Variants in NALF1 observed in about 807,000 individuals in gnomAD.
NALF1 encodes the protein NALCN channel auxiliary factor 1, also known as family with sequence similarity 155 member A.
NALF1 carries 3 observed loss-of-function variants against 48.4 expected under a neutral mutation model. The ratio of observed to expected loss-of-function variants is 0.06; its 90% CI spans 0.03 to 0.16. NALF1 has a LOEUF of 0.16. Ranked by LOEUF, NALF1 falls within the 10% of genes least tolerant of loss-of-function variation. The pLI is 1.00. For synonymous variants in NALF1, 262 were observed against 245.7 expected, an observed-to-expected ratio of 1.07 and a Z score of -0.62; for missense variants, 526 against 571.5, an observed-to-expected ratio of 0.92 and a Z score of 0.81.
chr13:107,506,741 T>C (rs984710333), intron 1 of NALF1, among the ~76,000 whole-genome samples: 3 of 152,134 alleles, frequency 2.0e-5, no homozygotes, highest in Admixed American at 1.3e-4. Flanking sequence ...AATATTCATA[T>C]ACATATTTTT....
intron 2 of NALF1, among the ~76,000 whole-genome samples, chr13:107,188,427 GAA>G (rs976067851): frequency 6.7e-6 from 1 of 150,242 alleles, no homozygotes; most frequent in South Asian, 2.1e-4. Context: ...AAGAAACCTA[GAA>G]AAAAAAAGTT....
chr13:107,316,359 A>AGTGT (rs199862539), intron 1 of NALF1, among the ~76,000 whole-genome samples: 69,381 of 151,398 alleles, frequency 0.46, 16,178 homozygotes, highest in South Asian at 0.58. Flanking sequence ...AATAAACATA[A>AGTGT]GTGTGCATGT....
chr13:107,769,140 C>T (rs1355431349), intron 1 of NALF1, among the ~76,000 whole-genome samples: 2 of 148,260 alleles, frequency 1.3e-5, no homozygotes, highest in Non-Finnish European at 3.0e-5. Context: ...GGCAATTCCT[C>T]AGGGATCTAG....
intron 1 of NALF1, among the ~76,000 whole-genome samples, chr13:107,818,834 T>C (rs1466309421): frequency 6.1e-5 from 7 of 115,140 alleles, no homozygotes; most frequent in African/African-American, 2.7e-4. Flanking sequence ...ATCGCGCCAC[T>C]GCACTCCAGC....
chr13:107,438,570 G>A (rs1263803384), intron 1 of NALF1, among the ~76,000 whole-genome samples: 5 of 151,898 alleles, frequency 3.3e-5, no homozygotes, highest in Admixed American at 6.6e-5. Flanking sequence ...TTGGGAGGCC[G>A]AGGTGGGAGG....
At chr13:107,670,567 T>C (rs1228530878) in intron 1 of NALF1, among the ~76,000 whole-genome samples, 1 of 152,142 alleles carries the variant, frequency 6.6e-6, no homozygotes, top group African/African-American at 2.4e-5. Context: ...AGGCCAGACA[T>C]AGCCTGGTTG....
At chr13:107,482,736 G>A (rs1460276353) in intron 1 of NALF1, among the ~76,000 whole-genome samples, 1 of 152,148 alleles carries the variant, frequency 6.6e-6, no homozygotes, top group African/African-American at 2.4e-5. Flanking sequence ...AATGGATAGA[G>A]GTCATACACA....
chr13:107,612,561 T>TG (rs368437269), intron 1 of NALF1, among the ~76,000 whole-genome samples: 180 of 152,156 alleles, frequency 1.2e-3, no homozygotes, highest in African/African-American at 4.1e-3. Flanking sequence ...CTGCTGTGGG[T>TG]GGGCCTTGTG....
At chr13:107,236,341 G>T (rs969065078) in intron 1 of NALF1, among the ~76,000 whole-genome samples, 1 of 152,060 alleles carries the variant, frequency 6.6e-6, no homozygotes, top group Admixed American at 6.6e-5. Flanking sequence ...CCCCTATAGA[G>T]GAGTAACTTT....
At chr13:107,392,563 G>A (rs1883645051) in intron 1 of NALF1, among the ~76,000 whole-genome samples, 2 of 152,096 alleles carry the variant, frequency 1.3e-5, no homozygotes. Context: ...GAGACACCAA[G>A]GTCTCTCTCT....
intron 1 of NALF1, among the ~76,000 whole-genome samples, chr13:107,290,879 A>G (rs1251591371): frequency 6.6e-6 from 1 of 152,036 alleles, no homozygotes; most frequent in Non-Finnish European, 1.5e-5. Flanking sequence ...TTCAATTTGC[A>G]TGTCATTGAA....
intron 1 of NALF1, among the ~76,000 whole-genome samples, chr13:107,609,689 A>G (rs1201742508): frequency 6.6e-6 from 1 of 151,948 alleles, no homozygotes; most frequent in Non-Finnish European, 1.5e-5. Context: ...GAAATCCTCC[A>G]AAAAAAATGT....
intron 1 of NALF1, among the ~76,000 whole-genome samples, chr13:107,558,401 A>G (rs767828855): frequency 3.9e-5 from 6 of 152,186 alleles, no homozygotes; most frequent in Admixed American, 6.5e-5. Flanking sequence ...TCTGACAGCT[A>G]TATGTATAGT....
intron 1 of NALF1, among the ~76,000 whole-genome samples, chr13:107,511,279 C>T (rs1435556120): frequency 6.6e-6 from 1 of 152,104 alleles, no homozygotes; most frequent in Admixed American, 6.6e-5. Context: ...CGTATTGTCG[C>T]CCAGTGCTTA....
chr13:107,579,723 G>A (rs1484059162), intron 1 of NALF1, among the ~76,000 whole-genome samples: 1 of 149,514 alleles, frequency 6.7e-6, no homozygotes, highest in African/African-American at 2.5e-5. Context: ...TGCACAATGT[G>A]CAGGTTAGTT....
At chr13:107,248,155 A>C (rs1220848186) in intron 1 of NALF1, among the ~76,000 whole-genome samples, 1 of 152,146 alleles carries the variant, frequency 6.6e-6, no homozygotes, top group Non-Finnish European at 1.5e-5. Flanking sequence ...AAGGCAAAGA[A>C]AAAAGAGGAC....
chr13:107,285,561 G>A (rs1209130918), intron 1 of NALF1, among the ~76,000 whole-genome samples: 1 of 152,186 alleles, frequency 6.6e-6, no homozygotes, highest in Non-Finnish European at 1.5e-5. Context: ...AAATGGAACT[G>A]AAATGAGTGC....
chr13:107,807,855 A>G (rs1878851050), intron 1 of NALF1, among the ~76,000 whole-genome samples: 1 of 152,176 alleles, frequency 6.6e-6, no homozygotes, highest in Non-Finnish European at 1.5e-5. Context: ...GGACTACCAT[A>G]TAAATGACTG....
At chr13:107,281,384 A>C (rs1189307814) in intron 1 of NALF1, among the ~76,000 whole-genome samples, 1 of 152,208 alleles carries the variant, frequency 6.6e-6, no homozygotes, top group Non-Finnish European at 1.5e-5. Flanking sequence ...ACTTGAGCTG[A>C]TCCTTTAGCA....
Sources: allele counts gnomAD v4.1 joint callset (sites outside exome capture counted in the v4.1 genomes callset), GRCh38; gene constraint gnomAD v4.1.1; transcripts MANE v1.5; gene names NCBI Gene and HGNC (gene_info 2026-07-23, HGNC 2026-07-21).